SGPL1: variants seen among roughly 807,000 people sequenced by gnomAD.
SGPL1 encodes the protein sphingosine-1-phosphate lyase 1, also known as SP-lyase 1.
A neutral mutation model predicts 68.9 loss-of-function variants in SGPL1; 37 were observed. The observed-to-expected ratio is 0.54, with a 90% CI of 0.41 to 0.71. The LOEUF (loss-of-function observed/expected upper bound fraction) is 0.71, where lower values mean the gene tolerates loss of function less well. Ranked by LOEUF, SGPL1 falls within the 30% of genes least tolerant of loss-of-function variation. The pLI is 0.00. For synonymous variants in SGPL1, 236 were observed against 248.5 expected, an observed-to-expected ratio of 0.95 and a Z score of 0.47; for missense variants, 551 against 704.6, an observed-to-expected ratio of 0.78 and a Z score of 2.47.
chr10:70,873,673 A>T, intron 12 of SGPL1, 84 bp downstream of exon 12: 2 of 1,009,714 alleles, frequency 2.0e-6, no homozygotes, highest in Non-Finnish European at 3.1e-6. Flanking sequence ...CTAAGTATCC[A>T]TAGCCCTAGC....
At chr10:70,870,930 G>T in intron 9 of SGPL1, 118 bp from the exon 10 acceptor site, 1 of 745,894 alleles carries the variant, frequency 1.3e-6, no homozygotes, top group East Asian at 2.6e-5. Context: ...GAGTGGTGAA[G>T]GAGGGGGTAC....
intron 2 of SGPL1, among the ~76,000 whole-genome samples, chr10:70,842,966 C>CT (rs1845738707): frequency 6.6e-6 from 1 of 151,434 alleles, no homozygotes; most frequent in Non-Finnish European, 1.5e-5. Context: ...GAAATGGTCC[C>CT]TGCCATCATG....
In SGPL1 at chr10:70,875,491, T is replaced by C; in HGVS notation, c.1388T>C (p.Leu463Pro). The change falls in exon 13 of 15, where the codon CTA (leucine) becomes CCA (proline). Residue 463 changes from leucine to proline, a missense_variant. By Grantham distance (98) the Leu-to-Pro change is moderately conservative. Coordinates refer to ENST00000373202, the MANE Select transcript of SGPL1 (RefSeq NM_003901.4). The part of the protein sequence containing the change: ...LGSRDFDIYR[L>P]SNLMTAKGWN... ...TCCCGTGATTTTGACATCTACCGAC[T>C]ATCAAACCTGATGACTGCTAAGGGG... 1 of 1,613,584 alleles carries C rather than the reference T, an allele frequency of 6.2e-7. No individual in the cohort carries two copies.
At chr10:70,828,054 CT>C (rs1845466292) in intron 2 of SGPL1, among the ~76,000 whole-genome samples, 1 of 152,130 alleles carries the variant, frequency 6.6e-6, no homozygotes, top group Non-Finnish European at 1.5e-5. Context: ...ATTTATGTTT[CT>C]AGTTTTTTGG....
chr10:70,849,119 C>A (rs1470105291), intron 3 of SGPL1, among the ~76,000 whole-genome samples: 1 of 152,086 alleles, frequency 6.6e-6, no homozygotes, highest in African/African-American at 2.4e-5. Context: ...TTAGTTTATT[C>A]TTTTATCCTC....
At chr10:70,865,868 T>G (rs1846176812) in intron 7 of SGPL1, among the ~76,000 whole-genome samples, 1 of 152,230 alleles carries the variant, frequency 6.6e-6, no homozygotes, top group South Asian at 2.1e-4. Flanking sequence ...GAAAGAAAAT[T>G]TTCCAAGTAG....
intron 7 of SGPL1, among the ~76,000 whole-genome samples, chr10:70,863,417 T>A (rs1229921023): frequency 6.6e-6 from 1 of 151,676 alleles, no homozygotes; most frequent in Non-Finnish European, 1.5e-5. Flanking sequence ...AATTCCAATA[T>A]CCATGAGCCT....
At chr10:70,853,407 A>G (rs1306188134) in intron 4 of SGPL1, among the ~76,000 whole-genome samples, 1 of 152,172 alleles carries the variant, frequency 6.6e-6, no homozygotes, top group African/African-American at 2.4e-5. Context: ...ACTGTGACAA[A>G]TCGTGACATG....
chr10:70,850,941 T>C (rs1377399425), intron 3 of SGPL1, among the ~76,000 whole-genome samples: 1 of 152,236 alleles, frequency 6.6e-6, no homozygotes, highest in Non-Finnish European at 1.5e-5. Flanking sequence ...GTTATGTGTT[T>C]GTATTTTTAA....
intron 2 of SGPL1, among the ~76,000 whole-genome samples, chr10:70,840,364 A>G (rs1484798470): frequency 6.6e-6 from 1 of 152,012 alleles, no homozygotes; most frequent in Non-Finnish European, 1.5e-5. Context: ...GTGCTTCCCA[A>G]GGGCTAGAGT....
intron 3 of SGPL1, 129 bp downstream of exon 3, chr10:70,844,767 G>A: frequency 1.2e-6 from 1 of 848,760 alleles, no homozygotes; most frequent in Non-Finnish European, 1.8e-6. Flanking sequence ...TTGAGACGGA[G>A]TCTCCATCTG....
At chr10:70,833,144 TG>T in intron 2 of SGPL1, among the ~76,000 whole-genome samples, 1 of 152,338 alleles carries the variant, frequency 6.6e-6, no homozygotes, top group Admixed American at 6.5e-5. Flanking sequence ...GTTCTTTCTG[TG>T]GCCAAGATGG....
chr10:70,828,536 AATTTCCCC>A (rs1845475351), intron 2 of SGPL1, among the ~76,000 whole-genome samples: 1 of 152,144 alleles, frequency 6.6e-6, no homozygotes, highest in Admixed American at 6.5e-5. Context: ...CCTTTTCTGT[AATTTCCCC>A]AGAGAGTAAA....
rs114192068 is a variant in SGPL1, at chr10:70,836,563, C to T, written c.28-7910C>T. 2.9e-3 allele frequency among the ~76,000 whole-genome samples: 435 copies of T among 151,914 alleles called. 1 individual carries two copies. Among genetic ancestry groups the T allele is most frequent in the African/African-American group, 0.01 (424 of 41,306 alleles). ...CTTCCCTCTCCCTCTCCTCCCTTTG[C>T]CTTTGCCTTTCCCTTTCCCTTTCCT... On this transcript the variant is annotated intron_variant, in intron 2 of 14. Transcript: ENST00000373202.
intron 2 of SGPL1, among the ~76,000 whole-genome samples, chr10:70,817,834 T>G (rs990923079): frequency 6.6e-6 from 1 of 152,238 alleles, no homozygotes; most frequent in South Asian, 2.1e-4. Context: ...GCTTAACAAA[T>G]GCTTGTTGGA....
At chr10:70,863,637 A>G (rs780405098) in intron 7 of SGPL1, among the ~76,000 whole-genome samples, 2 of 152,158 alleles carry the variant, frequency 1.3e-5, no homozygotes, top group Non-Finnish European at 2.9e-5. Context: ...CCACACTGGA[A>G]CCAAATTAAG....
In SGPL1 at chr10:70,815,972, G is replaced by A. The variant is rs1845217976; in HGVS notation, c.-198G>A. On this transcript the variant is annotated 5_prime_UTR_variant, in exon 1 of 15. Coordinates refer to ENST00000373202, the MANE Select transcript of SGPL1 (RefSeq NM_003901.4). ...CATTTCCGGGAGGGGCGAGGCCGGC[G>A]GCTGCCGGGCCTCCAATCTCGGCGG... 6.6e-6 allele frequency: 1 copy of A among 151,410 alleles called. No individual in the cohort carries two copies. The highest frequency in any genetic ancestry group is 1.5e-5 in the Non-Finnish European group (1 of 67,868). 9.4% of individuals were successfully genotyped at this position (151,410 alleles called of 1,614,324 possible). A position where few individuals can be genotyped will look rare whatever the true frequency, so the allele number is the denominator to read the frequency against.
intron 5 of SGPL1, 26 bp downstream of exon 5, chr10:70,854,881 C>G (rs770070405): frequency 3.0e-5 from 47 of 1,550,452 alleles, no homozygotes; most frequent in Middle Eastern, 1.7e-4. Context: ...TATACATGCT[C>G]TCTACTTCCT....
chr10:70,822,191 G>A (rs367970920), intron 2 of SGPL1, among the ~76,000 whole-genome samples: 13 of 152,066 alleles, frequency 8.5e-5, no homozygotes, highest in African/African-American at 3.1e-4. Flanking sequence ...TAGAAGAAAG[G>A]GAAAATTCAT....
Sources: gnomAD v4.1 joint callset for allele counts (sites outside exome capture counted in the v4.1 genomes callset) on GRCh38, gnomAD v4.1.1 for gene constraint, MANE v1.5 for transcripts, NCBI Gene and HGNC (gene_info 2026-07-23, HGNC 2026-07-21) for gene names.